Variants in PARD3B observed in about 807,000 individuals in gnomAD.
PARD3B encodes par-3 family cell polarity regulator beta.
Under a neutral mutation model 130.2 loss-of-function variants are expected in PARD3B, and 103 were observed. That is an observed-to-expected ratio of 0.79 (90% CI 0.67 to 0.93). The LOEUF is 0.93. PARD3B is among the 40% of genes least tolerant of loss of function. The pLI, the probability that PARD3B is intolerant of heterozygous loss-of-function variation, is 0.00. For synonymous variants in PARD3B, 583 were observed against 553.2 expected (o/e 1.05, Z -0.76); for missense variants, 1,609 against 1,499.2 (o/e 1.07, Z -1.21).
chr2:205,095,443 A>G (rs1218155028), intron 4 of PARD3B, among the ~76,000 whole-genome samples: 3 of 152,162 alleles, frequency 2.0e-5, no homozygotes, highest in East Asian at 1.9e-4. Flanking sequence ...CTAAACTTCT[A>G]TGGCTCTGAA....
Position 205,325,804 on chromosome 2 carries a change from T to C in PARD3B, c.2630+24103T>C, listed in dbSNP as rs2042920660. ...CAGATAAGGTTATTGAATTTCATAGTCCATTATTTCAATTTACCTACAATT... is the reference window on the plus strand; with the variant it reads ...CAGATAAGGTTATTGAATTTCATAGCCCATTATTTCAATTTACCTACAATT... On this transcript the variant is annotated intron_variant, in intron 18 of 22. Transcript: ENST00000406610. The surrounding 1 kb of genome is among the most constrained non-coding windows in gnomAD (Gnocchi z 4.1). Among the ~76,000 whole-genome samples, 1 of 152,154 alleles carries C rather than the reference T, an allele frequency of 6.6e-6. No homozygotes were observed.
intron 1 of PARD3B, among the ~76,000 whole-genome samples, chr2:204,660,266 A>T (rs1196529725): frequency 6.6e-6 from 1 of 152,098 alleles, no homozygotes; most frequent in Non-Finnish European, 1.5e-5. Context: ...CATTTCAACC[A>T]TGTTTATTAT....
At chr2:205,203,135 A>C (rs563655539) in intron 15 of PARD3B, among the ~76,000 whole-genome samples, 3 of 152,200 alleles carry the variant, frequency 2.0e-5, no homozygotes, top group Non-Finnish European at 4.4e-5. Context: ...AAAAAACTAT[A>C]AAGTTTAGAA....
At chr2:205,242,107 C>T (rs2039378466) in intron 15 of PARD3B, among the ~76,000 whole-genome samples, 1 of 152,096 alleles carries the variant, frequency 6.6e-6, no homozygotes, top group African/African-American at 2.4e-5. Context: ...TTATAGTTCC[C>T]TCTCTTTTCC....
chr2:204,932,716 G>T (rs1688120477), intron 2 of PARD3B, among the ~76,000 whole-genome samples: 1 of 152,136 alleles, frequency 6.6e-6, no homozygotes, highest in African/African-American at 2.4e-5. Flanking sequence ...ATGTTTTATG[G>T]TGAAAATAAG....
intron 18 of PARD3B, among the ~76,000 whole-genome samples, chr2:205,346,137 A>C (rs1313981016): frequency 6.8e-6 from 1 of 147,560 alleles, no homozygotes; most frequent in African/African-American, 2.4e-5. Flanking sequence ...CCGCCACTGC[A>C]CTCCAGCCTG....
At chr2:205,517,114 C>A (rs1005440761) in intron 21 of PARD3B, among the ~76,000 whole-genome samples, 1 of 152,112 alleles carries the variant, frequency 6.6e-6, no homozygotes, top group Non-Finnish European at 1.5e-5. Flanking sequence ...AAGGATGAAG[C>A]CTACTTGATA....
chr2:204,849,364 A>G (rs1032019338), intron 2 of PARD3B, among the ~76,000 whole-genome samples: 2 of 152,228 alleles, frequency 1.3e-5, no homozygotes, highest in African/African-American at 4.8e-5. Context: ...TTTGTAATTA[A>G]GACTTCTAAC....
chr2:204,983,658 C>T (rs926257249), intron 3 of PARD3B, among the ~76,000 whole-genome samples: 3 of 152,082 alleles, frequency 2.0e-5, no homozygotes, highest in Admixed American at 6.6e-5. Context: ...ACCTTCGTTC[C>T]GTTTCTTAAA....
At chr2:205,077,287 T>C (rs1413421938) in intron 4 of PARD3B, among the ~76,000 whole-genome samples, 2 of 152,158 alleles carry the variant, frequency 1.3e-5, no homozygotes, top group Admixed American at 6.5e-5. Flanking sequence ...TACAGAACTT[T>C]GCTTGGTTTT....
In PARD3B at chr2:205,105,897, T is replaced by C. The variant is rs2125579586; in HGVS notation, c.593+1383T>C. Among the ~76,000 whole-genome samples the C allele has an allele frequency of 6.6e-6, 1 of 151,974 alleles. No homozygotes were observed. The highest frequency in any genetic ancestry group is 1.5e-5 in the Non-Finnish European group (1 of 67,960). On this transcript the variant is annotated intron_variant, in intron 5 of 22. Transcript: ENST00000406610. This position sits in a 1 kb window ranked among gnomAD's most constrained non-coding sequence, Gnocchi z 4.0. Reference sequence around the variant, plus strand: ...CTACCTCCAGAAACTAATAAGATTGTTTCTGGAGGTAGACATAATGATTGT... The same window carrying C: ...CTACCTCCAGAAACTAATAAGATTGCTTCTGGAGGTAGACATAATGATTGT...
At chr2:205,178,232 A>G (rs1250955839) in intron 13 of PARD3B, among the ~76,000 whole-genome samples, 2 of 148,724 alleles carry the variant, frequency 1.3e-5, no homozygotes, top group Admixed American at 6.7e-5. Context: ...GGGGGGGGAA[A>G]AAAAAAAGAA....
intron 20 of PARD3B, among the ~76,000 whole-genome samples, chr2:205,496,670 C>T (rs2049936640): frequency 6.6e-6 from 1 of 152,114 alleles, no homozygotes; most frequent in African/African-American, 2.4e-5. Flanking sequence ...TATTTGAGAA[C>T]AGCAATCTGA....
chr2:204,746,976 GTTT>G (rs1472359194), intron 2 of PARD3B, among the ~76,000 whole-genome samples: 1 of 152,100 alleles, frequency 6.6e-6, no homozygotes, highest in East Asian at 1.9e-4. Flanking sequence ...AAGCTCTTTA[GTTT>G]AATTAGATCC....
intron 15 of PARD3B, among the ~76,000 whole-genome samples, chr2:205,205,977 G>C (rs902283627): frequency 6.6e-6 from 1 of 152,142 alleles, no homozygotes; most frequent in African/African-American, 2.4e-5. Context: ...AGTTAGGGAG[G>C]ATTCCCTCTT....
At chr2:205,573,476 A>G (rs1307086618) in intron 22 of PARD3B, among the ~76,000 whole-genome samples, 31 of 152,190 alleles carry the variant, frequency 2.0e-4, no homozygotes, top group Admixed American at 2.0e-3. Context: ...GATGGCACAT[A>G]GAGAACTCAA....
chr2:205,103,428 G>C (rs1036655308), intron 4 of PARD3B, among the ~76,000 whole-genome samples: 1 of 148,734 alleles, frequency 6.7e-6, no homozygotes, highest in African/African-American at 2.5e-5. Flanking sequence ...ATATTTATCT[G>C]TCTCAAAAAT....
At chr2:205,411,012 C>CATTTT (rs2046578953) in intron 19 of PARD3B, among the ~76,000 whole-genome samples, 1 of 152,144 alleles carries the variant, frequency 6.6e-6, no homozygotes, top group Admixed American at 6.5e-5. Context: ...CAGCTTTTTA[C>CATTTT]ATCAGTGGTT....
rs115685271 is a variant in PARD3B, at chr2:204,936,799, A to C, written c.223-28353A>C. ...AGATGAGGTCTTATCAGAAAGGTAC[A>C]TAAATTAAAATAGTGAATCTTTAAA... On this transcript the variant is annotated intron_variant, in intron 2 of 22. Transcript: ENST00000406610. Among the ~76,000 whole-genome samples the C allele has an allele frequency of 9.2e-3, 1,399 of 152,362 alleles. 26 individuals are homozygous for C. Among genetic ancestry groups the C allele is most frequent in the African/African-American group, 0.031 (1,301 of 41,580 alleles).
Sources: gnomAD v4.1 joint callset for allele counts (sites outside exome capture counted in the v4.1 genomes callset) on GRCh38, gnomAD v4.1.1 for gene constraint, Gnocchi (gnomAD v3.1) non-coding constraint, MANE v1.5 for transcripts, NCBI Gene and HGNC (gene_info 2026-07-23, HGNC 2026-07-21) for gene names.